Variants in ABCD2 observed in about 807,000 individuals in gnomAD.
ABCD2 encodes the protein ATP binding cassette subfamily D member 2.
In ABCD2, 36 loss-of-function variants were observed where a neutral mutation model predicts 70.9. The observed-to-expected ratio is 0.51, with a 90% CI of 0.39 to 0.67. ABCD2 has a LOEUF of 0.67. Ranked by LOEUF, ABCD2 falls within the 30% of genes least tolerant of loss-of-function variation. The pLI is 0.00. For missense variants in ABCD2, 729 were observed against 890.2 expected (o/e 0.82, Z 2.30); for synonymous variants, 304 against 306.9 (o/e 0.99, Z 0.10).
Position 39,619,628 on chromosome 12 carries a change from C to T in ABCD2, c.-13G>A. 1 of 1,591,828 alleles carries T rather than the reference C, an allele frequency of 6.3e-7. No individual in the cohort carries two copies. The highest frequency in any genetic ancestry group is 1.3e-5 in the African/African-American group (1 of 74,196). Reference sequence around the variant, plus strand: ...GCATATGTGTCATTTTCCCAGTTACCCAAACCGGCTTCCAAAAGAATTCGT... The same window carrying T: ...GCATATGTGTCATTTTCCCAGTTACTCAAACCGGCTTCCAAAAGAATTCGT... On this transcript the variant is annotated 5_prime_UTR_variant, in exon 1 of 10. Transcript: ENST00000308666.
chr12:39,568,434 T>C (rs930167752), intron 9 of ABCD2, among the ~76,000 whole-genome samples: 15 of 152,256 alleles, frequency 9.9e-5, no homozygotes, highest in Non-Finnish European at 1.8e-4. Context: ...CTGAGGCTTG[T>C]GCATTCACCA....
intron 9 of ABCD2, among the ~76,000 whole-genome samples, chr12:39,566,436 G>A (rs569573570): frequency 2.0e-5 from 3 of 151,996 alleles, no homozygotes; most frequent in South Asian, 2.1e-4. Context: ...TATAGTGTTT[G>A]CTGATGGTAG....
chr12:39,597,484 G>A (rs1941832379), intron 6 of ABCD2, among the ~76,000 whole-genome samples: 1 of 152,148 alleles, frequency 6.6e-6, no homozygotes, highest in Admixed American at 6.5e-5. Context: ...TCTCCTTAGG[G>A]ACTTGGAAAG....
intron 6 of ABCD2, among the ~76,000 whole-genome samples, chr12:39,595,901 C>T (rs949280880): frequency 1.3e-5 from 2 of 152,072 alleles, no homozygotes; most frequent in African/African-American, 2.4e-5. Context: ...GGGAAAATGG[C>T]AAACATCCAA....
At chr12:39,616,270 A>T (rs1357781619) in intron 2 of ABCD2, among the ~76,000 whole-genome samples, 2 of 152,180 alleles carry the variant, frequency 1.3e-5, no homozygotes, top group Admixed American at 6.6e-5. Context: ...CTCCCATCCA[A>T]GGATGATACA....
intron 9 of ABCD2, among the ~76,000 whole-genome samples, chr12:39,555,252 C>G (rs1231018879): frequency 6.6e-6 from 1 of 152,136 alleles, no homozygotes; most frequent in East Asian, 1.9e-4. Context: ...CTATAGATTT[C>G]TCTATTATAG....
chr12:39,554,085 G>A lies in ABCD2; in HGVS notation c.2050C>T (p.Arg684Cys), dbSNP rs748340230. The change falls in exon 10 of 10, where the codon CGC becomes TGC. Residue 684 changes from arginine to cysteine, a missense_variant. Transcript: ENST00000308666. ...ATAGCAGTATCCAATTGTTCAAAGC[G>A]CCAACCTCCTTCACCATCAAACTGT... ...LLQFDGEGGW[R>C]FEQLDTAIRL... 33 of 1,613,364 alleles carry A rather than the reference G, an allele frequency of 2.0e-5. No individual in the cohort carries two copies. The highest frequency in any genetic ancestry group is 2.4e-5 in the Non-Finnish European group (28 of 1,179,758).
the ABCD2 span, among the ~76,000 whole-genome samples, chr12:39,535,932 C>T: frequency 2.0e-5 from 3 of 152,122 alleles, no homozygotes; most frequent in African/African-American, 7.2e-5. Flanking sequence ...CACTTGAGGT[C>T]AGCAGTTTGA....
intron 9 of ABCD2, among the ~76,000 whole-genome samples, chr12:39,567,693 A>G (rs989758177): frequency 1.8e-4 from 27 of 152,168 alleles, no homozygotes; most frequent in Non-Finnish European, 3.1e-4. Flanking sequence ...TATTTTGCTC[A>G]TTAGTTGATG....
intron 2 of ABCD2, among the ~76,000 whole-genome samples, chr12:39,610,633 G>A (rs1017167472): frequency 4.6e-5 from 7 of 152,214 alleles, no homozygotes; most frequent in Middle Eastern, 3.4e-3. Context: ...AGTTTTCATC[G>A]ACAGCTTCTG....
At chr12:39,592,537 C>T (rs1169850312) in intron 6 of ABCD2, among the ~76,000 whole-genome samples, 1 of 152,146 alleles carries the variant, frequency 6.6e-6, no homozygotes, top group Non-Finnish European at 1.5e-5. Flanking sequence ...AAAGTTTGTT[C>T]AACAGTGACT....
chr12:39,596,872 C>T (rs1176532729), intron 6 of ABCD2, among the ~76,000 whole-genome samples: 1 of 152,056 alleles, frequency 6.6e-6, no homozygotes, highest in Non-Finnish European at 1.5e-5. Flanking sequence ...ATAAAATGGC[C>T]ACAGTATTTG....
intron 9 of ABCD2, among the ~76,000 whole-genome samples, chr12:39,571,441 T>C (rs528181257): frequency 6.6e-6 from 1 of 152,234 alleles, no homozygotes; most frequent in Non-Finnish European, 1.5e-5. Flanking sequence ...CTGGAGGACA[T>C]TATAGTAAGT....
At position 39,558,585 on chromosome 12, in the gene ABCD2, A is replaced by C. The variant is rs538005404; in HGVS notation, c.2004-4454T>G. Among the ~76,000 whole-genome samples, 3 of 152,258 alleles carry C rather than the reference A, an allele frequency of 2.0e-5. No individual in the cohort carries two copies. In the East Asian group the frequency reaches 5.8e-4, roughly 29 times the overall value. On this transcript the variant is annotated intron_variant, in intron 9 of 9. Coordinates refer to ENST00000308666, the MANE Select transcript of ABCD2 (RefSeq NM_005164.4). ...TCATGATAGTGATTGAATTCTCTTG[A>C]GATCTGATGGTATTATAAGTGTTTT...
At chr12:39,602,528 A>C (rs1298234059) in intron 5 of ABCD2, among the ~76,000 whole-genome samples, 3 of 152,124 alleles carry the variant, frequency 2.0e-5, no homozygotes, top group African/African-American at 7.2e-5. Context: ...TTTTCAATCT[A>C]TGCAGAGGAA....
chr12:39,531,912 A>G, the ABCD2 span, among the ~76,000 whole-genome samples: 2 of 152,266 alleles, frequency 1.3e-5, no homozygotes, highest in African/African-American at 4.8e-5. Context: ...ATTCCCAAAG[A>G]AGACTGAGGA....
At chr12:39,565,258 T>C (rs1263871756) in intron 9 of ABCD2, among the ~76,000 whole-genome samples, 7 of 152,226 alleles carry the variant, frequency 4.6e-5, no homozygotes, top group African/African-American at 1.4e-4. Context: ...TTCCTACCCA[T>C]GAGCATGGAA....
At chr12:39,584,466 T>C (rs1352668546) in intron 7 of ABCD2, among the ~76,000 whole-genome samples, 1 of 152,160 alleles carries the variant, frequency 6.6e-6, no homozygotes, top group Non-Finnish European at 1.5e-5. Flanking sequence ...ATTGTGTAGG[T>C]TGTCTGTTTA....
At chr12:39,580,044 T>C (rs1232380031) in intron 7 of ABCD2, among the ~76,000 whole-genome samples, 3 of 152,240 alleles carry the variant, frequency 2.0e-5, no homozygotes, top group African/African-American at 7.2e-5. Flanking sequence ...TTATGTGAGT[T>C]CTCTTATCAT....
Sources: gnomAD v4.1 joint callset for allele counts (sites outside exome capture counted in the v4.1 genomes callset) on GRCh38, gnomAD v4.1.1 for gene constraint, MANE v1.5 for transcripts, NCBI Gene and HGNC (gene_info 2026-07-23, HGNC 2026-07-21) for gene names.